Variants in POF1B observed in about 807,000 individuals in gnomAD.
The protein encoded by POF1B is POF1B actin binding protein, also known as protein POF1B.
In POF1B, 53 loss-of-function variants were observed where a neutral mutation model predicts 55.3. That is an observed-to-expected ratio of 0.96 (90% CI 0.77 to 1.20). The LOEUF is 1.20. Among genes scored for constraint, POF1B ranks in the 50% most tolerant of loss-of-function variants. The pLI is 0.00. For synonymous variants in POF1B, 188 were observed against 148.3 expected, an observed-to-expected ratio of 1.27 and a Z score of -1.95; for missense variants, 478 against 420.5, an observed-to-expected ratio of 1.14 and a Z score of -1.20.
At position 85,279,316 on chromosome X, in the gene POF1B, A is replaced by C; in HGVS notation, c.*105T>G. On this transcript the variant is annotated 3_prime_UTR_variant, in exon 17 of 17. Transcript: ENST00000262753. ...TTCTTGGGTAGCAGCATGGTTCCAA[A>C]TTCTGATTGGCCTTTAGTGATGGAA... The C allele has an allele frequency of 1.2e-6, 1 of 842,023 alleles. No homozygotes were observed. Among genetic ancestry groups the C allele is most frequent in the Non-Finnish European group, 1.7e-6 (1 of 588,357 alleles). The allele number at this position is 842,023 out of a possible 1,213,427, so 69.4% of individuals were successfully genotyped here.
intron 15 of POF1B, among the ~76,000 whole-genome samples, chrX:85,288,086 C>T (rs1195176993): frequency 3.6e-5 from 4 of 111,623 alleles, no homozygotes; most frequent in Admixed American, 9.6e-5. Context: ...GTGAAAATTA[C>T]ATATTTTTTA....
chrX:85,293,322 T>C (rs949958190), intron 15 of POF1B, among the ~76,000 whole-genome samples: 1 of 112,151 alleles, frequency 8.9e-6, no homozygotes, highest in Non-Finnish European at 1.9e-5. Context: ...ATGTACACCA[T>C]GGAATACTAT....
rs1932593608 is a variant in POF1B, at chrX:85,307,217, T to TA, written c.1109dup (p.Leu370PhefsTer15). 3.3e-6 allele frequency: 4 copies of TA among 1,205,506 alleles called. No homozygotes were observed. The highest frequency in any genetic ancestry group is 4.5e-6 in the Non-Finnish European group (4 of 892,801). ...ATGCCAAGAGTTCTTCGTACTCTTT[T>TA]AATTGAGTGTCTTTGAATGATAAAT... On this transcript the variant is annotated frameshift_variant, in exon 11 of 17. Coordinates refer to ENST00000262753, the MANE Select transcript of POF1B (RefSeq NM_024921.4). LOFTEE classifies it high-confidence loss of function.
At chrX:85,372,750 T>A (rs1288803351) in intron 2 of POF1B, among the ~76,000 whole-genome samples, 5 of 102,473 alleles carry the variant, frequency 4.9e-5, no homozygotes, top group Non-Finnish European at 7.9e-5. Context: ...TTATTCATAT[T>A]TATATATATT....
chrX:85,319,885 G>C (rs181635840), intron 7 of POF1B, among the ~76,000 whole-genome samples: 6 of 111,539 alleles, frequency 5.4e-5, no homozygotes, highest in African/African-American at 1.9e-4. Context: ...TGGTCTTATA[G>C]AATGAGTTAG....
chrX:85,284,126 C>T (rs781641524), intron 15 of POF1B, among the ~76,000 whole-genome samples: 17 of 110,714 alleles, frequency 1.5e-4, no homozygotes, highest in Non-Finnish European at 2.8e-4. Context: ...TCTTCAAGAA[C>T]TACAAACAAC....
intron 15 of POF1B, among the ~76,000 whole-genome samples, 165 bp downstream of exon 15, chrX:85,303,241 A>G (rs1331772945): frequency 4.5e-5 from 5 of 111,198 alleles, no homozygotes; most frequent in African/African-American, 1.3e-4. Context: ...GATTTTTTTG[A>G]CCACAATAGT....
chrX:85,304,662 T>C (rs929877704), intron 13 of POF1B, among the ~76,000 whole-genome samples, 191 bp from the exon 14 acceptor site: 1 of 110,958 alleles, frequency 9.0e-6, no homozygotes, highest in African/African-American at 3.3e-5. Context: ...AATTTCTCCT[T>C]TTTTTAAGGT....
At chrX:85,355,112 A>T (rs1363203131) in intron 4 of POF1B, among the ~76,000 whole-genome samples, 5 of 111,500 alleles carry the variant, frequency 4.5e-5, no homozygotes, top group Non-Finnish European at 9.4e-5. Context: ...AAACAGAGAG[A>T]TAGACCAATG....
chrX:85,305,364 C>T (rs1418548190), intron 13 of POF1B, among the ~76,000 whole-genome samples: 1 of 110,597 alleles, frequency 9.0e-6, no homozygotes, highest in Non-Finnish European at 1.9e-5. Context: ...ACACTGTTTT[C>T]CTCCTCATGC....
intron 15 of POF1B, among the ~76,000 whole-genome samples, chrX:85,287,253 A>G (rs1408928564): frequency 9.0e-6 from 1 of 111,178 alleles, no homozygotes; most frequent in Non-Finnish European, 1.9e-5. Context: ...AGGAGAAGAA[A>G]TTAGTGAAAT....
At chrX:85,320,459 T>A (rs1932825881) in intron 7 of POF1B, among the ~76,000 whole-genome samples, 1 of 110,727 alleles carries the variant, frequency 9.0e-6, no homozygotes, top group African/African-American at 3.3e-5. Flanking sequence ...GAGGGAAATT[T>A]ATAGCACTAA....
chrX:85,299,382 G>A (rs1424821218), intron 15 of POF1B, among the ~76,000 whole-genome samples: 1 of 104,004 alleles, frequency 9.6e-6, no homozygotes, highest in Admixed American at 1.0e-4. Flanking sequence ...TCCGCCTCCC[G>A]GGTTCACGCC....
At chrX:85,346,645 C>A (rs1037549815) in intron 5 of POF1B, among the ~76,000 whole-genome samples, 7 of 110,078 alleles carry the variant, frequency 6.4e-5, no homozygotes, top group African/African-American at 2.3e-4. Flanking sequence ...TATATGCAAC[C>A]TTTATGAGCC....
At chrX:85,296,139 A>C (rs1441772601) in intron 15 of POF1B, among the ~76,000 whole-genome samples, 1 of 111,765 alleles carries the variant, frequency 8.9e-6, no homozygotes, top group Non-Finnish European at 1.9e-5. Context: ...ACTGCCTGGG[A>C]GATGGGTCTC....
intron 16 of POF1B, 22 bp downstream of exon 16, chrX:85,282,180 TA>T: frequency 8.5e-7 from 1 of 1,177,033 alleles, no homozygotes; most frequent in South Asian, 2.0e-5. Flanking sequence ...AAAATAGGGC[TA>T]AAAATGCCCA....
At chrX:85,293,064 T>C (rs1017828069) in intron 15 of POF1B, among the ~76,000 whole-genome samples, 2 of 111,944 alleles carry the variant, frequency 1.8e-5, no homozygotes, top group African/African-American at 6.5e-5. Flanking sequence ...AATGAACACT[T>C]ATACACTGTT....
chrX:85,296,970 T>G (rs892445845), intron 15 of POF1B, among the ~76,000 whole-genome samples: 1 of 112,225 alleles, frequency 8.9e-6, no homozygotes, highest in Non-Finnish European at 1.9e-5. Flanking sequence ...GATTATAAGA[T>G]TCTGTCTTCA....
At chrX:85,333,817 G>A (rs771666412) in intron 6 of POF1B, among the ~76,000 whole-genome samples, 2 of 110,545 alleles carry the variant, frequency 1.8e-5, no homozygotes, top group Non-Finnish European at 1.9e-5. Context: ...CTCCTCTCAG[G>A]AAATGAAAGT....
Sources: allele counts gnomAD v4.1 joint callset (sites outside exome capture counted in the v4.1 genomes callset), GRCh38; gene constraint gnomAD v4.1.1; transcripts MANE v1.5; gene names NCBI Gene and HGNC (gene_info 2026-07-23, HGNC 2026-07-21).